The following CIB1 variants were observed in gnomAD, a reference collection of about 807,000 sequenced individuals.
The protein encoded by CIB1 is calcium and integrin-binding protein 1.
In CIB1, 19 loss-of-function variants were observed where a neutral mutation model predicts 25.0. The observed-to-expected ratio is 0.76, with a 90% CI of 0.53 to 1.12. CIB1 has a LOEUF of 1.12. Among genes scored for constraint, CIB1 ranks in the 50% most tolerant of loss-of-function variants. The probability of loss-of-function intolerance (pLI) is 0.00; values close to 1 mark genes in which losing one functional copy is unlikely to be tolerated. For missense variants in CIB1, 236 were observed against 242.6 expected (o/e 0.97, Z 0.18); for synonymous variants, 104 against 98.5 (o/e 1.06, Z -0.33).
At chr15:90,247,642 G>C in the CIB1 span, among the ~76,000 whole-genome samples, 1 of 151,462 alleles carries the variant, frequency 6.6e-6, no homozygotes, top group Non-Finnish European at 1.5e-5. Flanking sequence ...CCTGTATAGA[G>C]GGTTGTAGCA....
Position 90,232,441 on chromosome 15 carries a change from C to T in CIB1, c.87-114G>A. The T allele has an allele frequency of 2.1e-6, 3 of 1,435,342 alleles. No individual in the cohort carries two copies. Among genetic ancestry groups the T allele is most frequent in the Non-Finnish European group, 1.8e-6 (2 of 1,093,304 alleles). 88.9% of individuals were successfully genotyped at this position (1,435,342 alleles called of 1,614,324 possible). On this transcript the variant is annotated intron_variant, in intron 2 of 6. Coordinates refer to ENST00000328649, the MANE Select transcript of CIB1 (RefSeq NM_006384.4). ...CCAGGTGAGGAGCTAAAACCACGTA[C>T]ACAGAACTTCCGAGTCATCAGGCAA...
the CIB1 span, among the ~76,000 whole-genome samples, chr15:90,254,188 G>GTTGTTT: frequency 9.6e-6 from 1 of 104,006 alleles, no homozygotes; most frequent in African/African-American, 4.8e-5. Flanking sequence ...GTGAGACCCT[G>GTTGTTT]TTTTTTTTTT....
chr15:90,241,025 A>T, the CIB1 span: 4 of 1,614,144 alleles, frequency 2.5e-6, no homozygotes, highest in Non-Finnish European at 3.4e-6. Flanking sequence ...TCATGGCAGA[A>T]GGGATTCAGT....
the CIB1 span, chr15:90,255,715 C>T: frequency 6.2e-7 from 1 of 1,613,790 alleles, no homozygotes; most frequent in Non-Finnish European, 8.5e-7. Context: ...TAGGAAATGC[C>T]ACTTACTCTG....
chr15:90,241,368 C>A, the CIB1 span: 6 of 1,614,186 alleles, frequency 3.7e-6, no homozygotes, highest in East Asian at 1.3e-4. Flanking sequence ...AGAAGACATC[C>A]TGGTGGTGAT....
At chr15:90,265,365 G>C in the CIB1 span, 1 of 1,229,018 alleles carries the variant, frequency 8.1e-7, no homozygotes, top group Non-Finnish European at 1.0e-6. Flanking sequence ...ACTGCCGAGC[G>C]GAAGCCCTGC....
At chr15:90,262,526 C>A in the CIB1 span, 2 of 1,523,448 alleles carry the variant, frequency 1.3e-6, no homozygotes, top group Admixed American at 2.1e-5. Context: ...TAAGCAGGAA[C>A]AGCAGGAGAC....
rs1350454512 is a variant in CIB1, at chr15:90,231,103, T to A, written c.457A>T (p.Ile153Phe). The A allele has an allele frequency of 1.2e-6, 2 of 1,613,518 alleles. No individual in the cohort carries two copies. Among genetic ancestry groups the A allele is most frequent in the African/African-American group, 1.3e-5 (1 of 74,942 alleles). The part of the protein sequence containing the change: ...RLSASEMKQL[I>F]DNILEESDID... ...CCTGCTCAGCTGCTCACGTTGTCGA[T>A]GAGCTGCTTCATCTCAGACGCACTA... Residue 153 changes from isoleucine to phenylalanine, a missense_variant, in exon 5 of 7, where the codon ATC (isoleucine) becomes TTC (phenylalanine). Transcript: ENST00000328649.
chr15:90,238,028 G>T (rs140655715), upstream of CIB1, among the ~76,000 whole-genome samples: 1 of 152,136 alleles, frequency 6.6e-6, no homozygotes, highest in African/African-American at 2.4e-5. Flanking sequence ...GGCCAGGTGC[G>T]GTGGCTCACG....
At chr15:90,254,457 C>T in the CIB1 span, among the ~76,000 whole-genome samples, 1 of 147,214 alleles carries the variant, frequency 6.8e-6, no homozygotes, top group Non-Finnish European at 1.5e-5. Flanking sequence ...TGTGTCATTG[C>T]ACTCCAGCCT....
Position 90,230,320 on chromosome 15 carries a change from G to A in CIB1, c.*164C>T. On this transcript the variant is annotated 3_prime_UTR_variant, in exon 7 of 7. Coordinates refer to ENST00000328649, the MANE Select transcript of CIB1 (RefSeq NM_006384.4). ...AGCAATGACAACAGCAGTGAGGAGAGGCCCTGACAACGAGGGCCGCCCCTG... is the reference window on the plus strand; with the variant it reads ...AGCAATGACAACAGCAGTGAGGAGAAGCCCTGACAACGAGGGCCGCCCCTG... 1 of 682,974 alleles carries A rather than the reference G, an allele frequency of 1.5e-6. No homozygotes were observed. The highest frequency in any genetic ancestry group is 2.6e-6 in the Non-Finnish European group (1 of 388,366). 42.3% of individuals were successfully genotyped at this position (682,974 alleles called of 1,614,324 possible). A position where few individuals can be genotyped will look rare whatever the true frequency, so the allele number is the denominator to read the frequency against.
the CIB1 span, chr15:90,241,271 T>C: frequency 6.2e-7 from 1 of 1,614,138 alleles, no homozygotes; most frequent in African/African-American, 1.3e-5. Context: ...CATTTGACCC[T>C]GTACAGTTCA....
chr15:90,258,667 C>T, the CIB1 span: 2 of 1,262,364 alleles, frequency 1.6e-6, no homozygotes, highest in South Asian at 2.4e-5. Context: ...CTTAGACCCT[C>T]TAGTTAATGC....
At chr15:90,241,593 C>T in the CIB1 span, 1 of 1,613,572 alleles carries the variant, frequency 6.2e-7, no homozygotes, top group Admixed American at 1.7e-5. Flanking sequence ...CCACAGACTG[C>T]CCGTGGAGCA....
chr15:90,265,200 C>A, the CIB1 span: 31 of 1,343,310 alleles, frequency 2.3e-5, no homozygotes, highest in Non-Finnish European at 2.8e-5. Flanking sequence ...CAGCCATGTA[C>A]TCATTTCTGC....
the CIB1 span, among the ~76,000 whole-genome samples, chr15:90,247,331 C>G: frequency 6.9e-6 from 1 of 145,086 alleles, no homozygotes; most frequent in Non-Finnish European, 1.5e-5. Flanking sequence ...GAGAGTCTCG[C>G]TGTATTGCCC....
At chr15:90,240,928 C>T in the CIB1 span, 3 of 1,613,460 alleles carry the variant, frequency 1.9e-6, no homozygotes, top group African/African-American at 4.0e-5. Context: ...CCACATGATT[C>T]AAACGAAACT....
the CIB1 span, among the ~76,000 whole-genome samples, chr15:90,251,114 C>CTTT: frequency 1.9e-5 from 2 of 104,670 alleles, no homozygotes; most frequent in Non-Finnish European, 1.8e-5. Context: ...CCTGGTCTGT[C>CTTT]TTTTTTTTTT....
the CIB1 span, chr15:90,265,082 C>G: frequency 1.5e-6 from 2 of 1,347,338 alleles, no homozygotes; most frequent in Non-Finnish European, 9.8e-7. Flanking sequence ...AAGCCCTGCC[C>G]AGGAACCCCA....
Sources: gnomAD v4.1 joint callset for allele counts (sites outside exome capture counted in the v4.1 genomes callset) on GRCh38, gnomAD v4.1.1 for gene constraint, MANE v1.5 for transcripts, NCBI Gene and HGNC (gene_info 2026-07-23, HGNC 2026-07-21) for gene names.